PVT1: variants seen among roughly 807,000 people sequenced by gnomAD.
PVT1 encodes the protein Pvt1 oncogene.
chr8:128,022,557 A>G (rs935757135), intron 4 of PVT1, among the ~76,000 whole-genome samples: 1 of 152,174 alleles, frequency 6.6e-6, no homozygotes. Flanking sequence ...GCAGGGCCAA[A>G]TCTGGTGTCC....
At chr8:127,975,231 C>G (rs1274254376) in intron 3 of PVT1, among the ~76,000 whole-genome samples, 1 of 152,108 alleles carries the variant, frequency 6.6e-6, no homozygotes, top group Non-Finnish European at 1.5e-5. Context: ...TCCCACATTG[C>G]CAAATTACTT....
chr8:127,870,972 C>A (rs1298684269), intron 2 of PVT1, among the ~76,000 whole-genome samples: 1 of 152,214 alleles, frequency 6.6e-6, no homozygotes, highest in African/African-American at 2.4e-5. Flanking sequence ...TCCTCCTCCT[C>A]CTCCTCTCTG....
chr8:127,862,984 A>T (rs1486844188), intron 2 of PVT1, among the ~76,000 whole-genome samples: 1 of 152,114 alleles, frequency 6.6e-6, no homozygotes, highest in Non-Finnish European at 1.5e-5. Flanking sequence ...TCTATGGGGG[A>T]CATTTCTTTA....
chr8:128,059,472 GAGA>G (rs1441825160), intron 4 of PVT1, among the ~76,000 whole-genome samples: 8 of 152,194 alleles, frequency 5.3e-5, no homozygotes, highest in Middle Eastern at 3.2e-3. Flanking sequence ...AGCAAATCGA[GAGA>G]AGAAGAATAT....
chr8:128,052,796 T>C (rs781381973), intron 4 of PVT1, among the ~76,000 whole-genome samples: 10 of 152,368 alleles, frequency 6.6e-5, no homozygotes, highest in South Asian at 2.1e-4. Context: ...GTTTACCAAA[T>C]TATTTTATCC....
intron 4 of PVT1, among the ~76,000 whole-genome samples, chr8:128,035,178 G>A (rs759057357): frequency 6.6e-6 from 1 of 152,190 alleles, no homozygotes; most frequent in Non-Finnish European, 1.5e-5. Flanking sequence ...AAACCTGTTG[G>A]CTACTCTAGT....
chr8:127,855,502 C>T (rs1815151166), intron 2 of PVT1, among the ~76,000 whole-genome samples: 1 of 152,196 alleles, frequency 6.6e-6, no homozygotes. Flanking sequence ...GGGGACATTT[C>T]TGCTGGCCCT....
At chr8:127,833,495 G>C (rs1421644065) in intron 2 of PVT1, among the ~76,000 whole-genome samples, 1 of 151,082 alleles carries the variant, frequency 6.6e-6, no homozygotes, top group Non-Finnish European at 1.5e-5. Flanking sequence ...GTCTTGCTCT[G>C]TCGCCCAGGC....
intron 2 of PVT1, among the ~76,000 whole-genome samples, chr8:127,863,416 C>A (rs1815251564): frequency 6.6e-6 from 1 of 152,092 alleles, no homozygotes; most frequent in East Asian, 1.9e-4. Context: ...GGCCAGTTGC[C>A]AGTTTTTAAT....
At chr8:127,863,870 G>T (rs746649445) in intron 2 of PVT1, among the ~76,000 whole-genome samples, 26 of 152,182 alleles carry the variant, frequency 1.7e-4, no homozygotes, top group Non-Finnish European at 3.5e-4. Flanking sequence ...CCAGGGCTTT[G>T]CTTTGGTGCC....
chr8:127,973,477 G>A (rs1486179836), intron 3 of PVT1, among the ~76,000 whole-genome samples: 1 of 152,120 alleles, frequency 6.6e-6, no homozygotes, highest in African/African-American at 2.4e-5. Flanking sequence ...GGTACTGTTG[G>A]AGTCAGAACT....
At chr8:127,914,530 CAG>C (rs1815955964) in intron 3 of PVT1, among the ~76,000 whole-genome samples, 1 of 152,136 alleles carries the variant, frequency 6.6e-6, no homozygotes, top group South Asian at 2.1e-4. Context: ...CTACTCACAA[CAG>C]CCAGAAGGTG....
intron 2 of PVT1, among the ~76,000 whole-genome samples, chr8:127,875,944 G>C (rs1737927689): frequency 6.6e-6 from 1 of 152,224 alleles, no homozygotes; most frequent in Admixed American, 6.5e-5. Context: ...TCTCTGAGCA[G>C]TAAGTCCTCT....
In PVT1 at chr8:127,898,663, G is replaced by C. The variant is rs1815717460; in HGVS notation, n.782+7665G>C. Reference sequence around the variant, plus strand: ...CTGGAACCTGTATTCCAGTGGCCCTGGTGGCTCTCTTCCCTCTCACCTTCC... The same window carrying C: ...CTGGAACCTGTATTCCAGTGGCCCTCGTGGCTCTCTTCCCTCTCACCTTCC... On this transcript the variant is annotated intron_variant and non_coding_transcript_variant, in intron 3 of 10. Transcript: ENST00000651587. The surrounding 1 kb of genome is among the most constrained non-coding windows in gnomAD (Gnocchi z 4.4). 6.6e-6 allele frequency among the ~76,000 whole-genome samples: 1 copy of C among 152,206 alleles called. No individual in the cohort carries two copies. The highest frequency in any genetic ancestry group is 2.4e-5 in the African/African-American group (1 of 41,434).
chr8:127,825,106 C>T (rs1325065522), intron 2 of PVT1, among the ~76,000 whole-genome samples: 2 of 101,656 alleles, frequency 2.0e-5, no homozygotes, highest in Non-Finnish European at 3.6e-5. Context: ...GTAACAGAGC[C>T]AAACACTAGC....
At chr8:127,817,473 ATATG>A (rs1426250222) in intron 2 of PVT1, among the ~76,000 whole-genome samples, 36 of 125,568 alleles carry the variant, frequency 2.9e-4, no homozygotes, top group African/African-American at 1.1e-3. Flanking sequence ...ATATATATAT[ATATG>A]TGTGTGTGTG....
At chr8:128,071,981 T>C (rs74629318) in intron 5 of PVT1, among the ~76,000 whole-genome samples, 2,340 of 152,330 alleles carry the variant, frequency 0.015, 33 homozygotes, top group African/African-American at 0.03. Flanking sequence ...AATAGTATAT[T>C]GCACCTGCTC....
At chr8:128,021,332 T>C (rs1030029696) in intron 4 of PVT1, among the ~76,000 whole-genome samples, 11 of 144,906 alleles carry the variant, frequency 7.6e-5, no homozygotes, top group South Asian at 4.5e-4. Flanking sequence ...CTAGCTCTGT[T>C]GCTCAGGCTG....
At chr8:127,988,687 T>C (rs1269810337) in intron 3 of PVT1, among the ~76,000 whole-genome samples, 1 of 152,252 alleles carries the variant, frequency 6.6e-6, no homozygotes, top group African/African-American at 2.4e-5. Context: ...ATTAATCTGA[T>C]GCAGCCTCCA....
Sources: gnomAD v4.1 joint callset for allele counts (sites outside exome capture counted in the v4.1 genomes callset) on GRCh38, gnomAD v4.1.1 for gene constraint, Gnocchi (gnomAD v3.1) non-coding constraint, MANE v1.5 for transcripts, NCBI Gene and HGNC (gene_info 2026-07-23, HGNC 2026-07-21) for gene names.